Variants in PCDH15 observed in about 807,000 individuals in gnomAD.
PCDH15 encodes protocadherin related 15.
In PCDH15, 129 loss-of-function variants were observed where a neutral mutation model predicts 178.5. The observed-to-expected ratio is 0.72, with a 90% CI of 0.63 to 0.84. The LOEUF (loss-of-function observed/expected upper bound fraction) is 0.84, where lower values mean the gene tolerates loss of function less well. Among genes scored for constraint, PCDH15 ranks in the 40% least tolerant of loss-of-function variants. The pLI, the probability that PCDH15 is intolerant of heterozygous loss-of-function variation, is 0.00. For missense variants in PCDH15, 2,230 were observed against 2,099.9 expected (o/e 1.06, Z -1.21); for synonymous variants, 800 against 732.0 (o/e 1.09, Z -1.50).
chr10:55,314,648 C>A (rs1240758054), intron 1 of PCDH15, among the ~76,000 whole-genome samples: 1 of 151,442 alleles, frequency 6.6e-6, no homozygotes. Flanking sequence ...TACCAAGAGA[C>A]AAAAGAATCA....
At chr10:54,251,655 T>C (rs1488706737) in intron 8 of PCDH15, among the ~76,000 whole-genome samples, 1 of 152,204 alleles carries the variant, frequency 6.6e-6, no homozygotes, top group African/African-American at 2.4e-5. Flanking sequence ...TCTTACCTTC[T>C]TTACCAAGAG....
chr10:55,531,384 A>G (rs192190433), intron 2 of PCDH15, among the ~76,000 whole-genome samples: 356 of 152,110 alleles, frequency 2.3e-3, no homozygotes, highest in Non-Finnish European at 4.2e-3. Flanking sequence ...TCATAAAAAT[A>G]GGTAATCTTT....
In PCDH15 at chr10:54,324,638, A is replaced by G. The variant is rs568738692; in HGVS notation, c.705+4958T>C. 7.9e-5 allele frequency among the ~76,000 whole-genome samples: 12 copies of G among 152,112 alleles called. 1 individual carries two copies. In the South Asian group the frequency reaches 2.5e-3, roughly 32 times the overall value. ...AAAAATTAGCTGGGAGTGGTGGCAC[A>G]TGCCTGTAATACCAACTACTCGGGA... On this transcript the variant is annotated intron_variant, in intron 7 of 37. Coordinates refer to ENST00000644397, the MANE Select transcript of PCDH15 (RefSeq NM_001384140.1).
At chr10:55,207,185 C>T (rs946201618) in intron 1 of PCDH15, among the ~76,000 whole-genome samples, 2 of 151,996 alleles carry the variant, frequency 1.3e-5, no homozygotes. Context: ...GCACTTACAA[C>T]ATGATGAATT....
intron 2 of PCDH15, among the ~76,000 whole-genome samples, chr10:54,594,475 C>T (rs893843281): frequency 6.6e-6 from 1 of 152,094 alleles, no homozygotes. Flanking sequence ...GTGTACCCCC[C>T]CAGGCACCTC....
intron 1 of PCDH15, among the ~76,000 whole-genome samples, chr10:54,709,627 T>TAA (rs1555162986): frequency 0.016 from 2,307 of 141,628 alleles, 37 homozygotes; most frequent in Middle Eastern, 0.039. Flanking sequence ...TATATATATA[T>TAA]AAAATCACTT....
chr10:54,856,375 G>C (rs555008583), intron 3 of PCDH15, among the ~76,000 whole-genome samples: 1 of 152,246 alleles, frequency 6.6e-6, no homozygotes, highest in African/African-American at 2.4e-5. Flanking sequence ...AGCAGTACTG[G>C]ACAGCCATCT....
intron 3 of PCDH15, among the ~76,000 whole-genome samples, chr10:54,384,299 A>C (rs1438804127): frequency 2.1e-5 from 3 of 140,218 alleles, no homozygotes; most frequent in Non-Finnish European, 4.6e-5. Context: ...AAACAATTAA[A>C]TCTCTACCAA....
chr10:54,878,630 G>A (rs1290100922), intron 3 of PCDH15, among the ~76,000 whole-genome samples: 2 of 152,000 alleles, frequency 1.3e-5, no homozygotes, highest in African/African-American at 4.8e-5. Context: ...TCATAGCCAT[G>A]CTGTGAGCAT....
intron 3 of PCDH15, among the ~76,000 whole-genome samples, chr10:54,411,869 C>T (rs12767540): frequency 0.054 from 8,207 of 152,262 alleles, 263 homozygotes; most frequent in Admixed American, 0.098. Context: ...AGCATATCCT[C>T]ATTACTTTGA....
intron 2 of PCDH15, among the ~76,000 whole-genome samples, chr10:55,554,653 A>G (rs1446557939): frequency 2.0e-5 from 3 of 152,168 alleles, no homozygotes; most frequent in East Asian, 1.9e-4. Flanking sequence ...TTCTGAAAGA[A>G]TGTATGCAGG....
chr10:54,231,993 A>G (rs7893808), intron 9 of PCDH15, among the ~76,000 whole-genome samples: 11,285 of 152,216 alleles, frequency 0.074, 1,336 homozygotes, highest in African/African-American at 0.25. Flanking sequence ...GAAATCAGTT[A>G]AGACTTGGGG....
At chr10:54,466,909 T>C (rs1389933411) in intron 3 of PCDH15, among the ~76,000 whole-genome samples, 2 of 151,982 alleles carry the variant, frequency 1.3e-5, no homozygotes, top group African/African-American at 2.4e-5. Flanking sequence ...GGTATTTTAT[T>C]GTAGCTGTTG....
chr10:55,624,961 G>A lies in PCDH15; in HGVS notation c.-156+2664C>T, dbSNP rs111546335. The stretch of plus-strand genomic sequence containing the variant: ...ATTTACTTTCTCTTTGTGTAATTTC[G>A]TGAAAGTGACCTGAACTGCTTTGCA... On this transcript the variant is annotated intron_variant, in intron 2 of 5. Coordinates refer to the PCDH15 transcript ENST00000613346. Among the ~76,000 whole-genome samples the A allele has an allele frequency of 1.5e-3, 230 of 152,150 alleles. 1 individual carries two copies. The highest frequency in any genetic ancestry group is 2.0e-3 in the Non-Finnish European group (134 of 67,974).
chr10:54,199,361 G>C (rs1437898446), intron 10 of PCDH15, among the ~76,000 whole-genome samples: 1 of 151,960 alleles, frequency 6.6e-6, no homozygotes, highest in East Asian at 1.9e-4. Flanking sequence ...TAGGCTGTAA[G>C]TTACATACAG....
intron 2 of PCDH15, among the ~76,000 whole-genome samples, chr10:55,547,025 G>C (rs1009928254): frequency 2.0e-5 from 3 of 151,986 alleles, no homozygotes; most frequent in Non-Finnish European, 4.4e-5. Context: ...AAAAATCTCA[G>C]AAAGTCTGAT....
intron 2 of PCDH15, among the ~76,000 whole-genome samples, chr10:55,343,778 C>T (rs1565034921): frequency 6.6e-6 from 1 of 151,884 alleles, no homozygotes; most frequent in Non-Finnish European, 1.5e-5. Context: ...CTTATTCAAA[C>T]AAGGAAACAA....
intron 1 of PCDH15, among the ~76,000 whole-genome samples, chr10:54,712,729 T>A (rs927361331): frequency 6.6e-6 from 1 of 151,996 alleles, no homozygotes; most frequent in African/African-American, 2.4e-5. Flanking sequence ...CCCCCTAAGA[T>A]GATGAGAAGA....
intron 16 of PCDH15, among the ~76,000 whole-genome samples, chr10:54,083,485 C>T (rs1013475697): frequency 2.6e-5 from 4 of 152,108 alleles, no homozygotes; most frequent in Non-Finnish European, 5.9e-5. Flanking sequence ...GCAAGACAGA[C>T]GAATCTTGGA....
Sources: gnomAD v4.1 joint callset for allele counts (sites outside exome capture counted in the v4.1 genomes callset) on GRCh38, gnomAD v4.1.1 for gene constraint, MANE v1.5 for transcripts, NCBI Gene and HGNC (gene_info 2026-07-23, HGNC 2026-07-21) for gene names.